PTPRG: variants seen among roughly 807,000 people sequenced by gnomAD.
The protein encoded by PTPRG is receptor-type tyrosine-protein phosphatase gamma.
In PTPRG, 102 loss-of-function variants were observed where a neutral mutation model predicts 165.3. The observed-to-expected ratio is 0.62, with a 90% CI of 0.53 to 0.73. The LOEUF (loss-of-function observed/expected upper bound fraction) is 0.73, where lower values mean the gene tolerates loss of function less well. PTPRG is among the 30% of genes least tolerant of loss of function. The pLI, the probability that PTPRG is intolerant of heterozygous loss-of-function variation, is 0.00. For synonymous variants in PTPRG, 675 were observed against 669.5 expected (o/e 1.01, Z -0.13); for missense variants, 1,866 against 1,861.4 (o/e 1.00, Z -0.05).
At chr3:61,907,144 C>CTT (rs139054196) in intron 2 of PTPRG, among the ~76,000 whole-genome samples, 8 of 147,850 alleles carry the variant, frequency 5.4e-5, no homozygotes, top group African/African-American at 9.9e-5. Flanking sequence ...TCCCCCACCC[C>CTT]TTTTTTTTTT....
chr3:61,778,321 A>G, intron 2 of PTPRG, among the ~76,000 whole-genome samples: 1 of 152,110 alleles, frequency 6.6e-6, no homozygotes, highest in Non-Finnish European at 1.5e-5. Flanking sequence ...CTTGGTGTTC[A>G]CGCCATGTAA....
At chr3:61,856,109 T>C (rs1490930159) in intron 2 of PTPRG, among the ~76,000 whole-genome samples, 1 of 152,126 alleles carries the variant, frequency 6.6e-6, no homozygotes, top group East Asian at 1.9e-4. Context: ...CTCTTGTACT[T>C]ACGTAGAACA....
At chr3:61,878,836 A>G (rs1278584719) in intron 2 of PTPRG, among the ~76,000 whole-genome samples, 2 of 152,164 alleles carry the variant, frequency 1.3e-5, no homozygotes, top group African/African-American at 2.4e-5. Flanking sequence ...GAACCGTCCT[A>G]TATTTTTGGA....
intron 6 of PTPRG, among the ~76,000 whole-genome samples, chr3:62,153,615 T>C (rs1048311926): frequency 1.3e-5 from 2 of 152,146 alleles, no homozygotes; most frequent in South Asian, 2.1e-4. Context: ...GACAGAACAT[T>C]GGTAGCTTAG....
At chr3:62,040,812 G>A (rs879768572) in intron 4 of PTPRG, among the ~76,000 whole-genome samples, 1 of 152,156 alleles carries the variant, frequency 6.6e-6, no homozygotes, top group South Asian at 2.1e-4. Flanking sequence ...CAGGGACATC[G>A]GGGCTAGCTG....
chr3:62,240,128 C>T lies in PTPRG; in HGVS notation c.2376-3679C>T, dbSNP rs1701124411. ...TAAGCAAACATTAATAAAGAGGATGCCAGTCTATATTTGTTATCAAGGAGA... is the reference window on the plus strand; with the variant it reads ...TAAGCAAACATTAATAAAGAGGATGTCAGTCTATATTTGTTATCAAGGAGA... On this transcript the variant is annotated intron_variant, in intron 14 of 29. Transcript: ENST00000474889. This position sits in a 1 kb window ranked among gnomAD's most constrained non-coding sequence, Gnocchi z 5.1. Among the ~76,000 whole-genome samples, 1 of 152,050 alleles carries T rather than the reference C, an allele frequency of 6.6e-6. No individual in the cohort carries two copies. Among genetic ancestry groups the T allele is most frequent in the Non-Finnish European group, 1.5e-5 (1 of 68,018 alleles).
intron 5 of PTPRG, among the ~76,000 whole-genome samples, chr3:62,128,549 T>C (rs1378124325): frequency 2.0e-5 from 3 of 151,840 alleles, no homozygotes; most frequent in Non-Finnish European, 4.4e-5. Flanking sequence ...TTGCCCGGTG[T>C]TATTGTCCTT....
chr3:62,233,782 G>T lies in PTPRG; in HGVS notation c.2375+2471G>T, dbSNP rs1034584427. On this transcript the variant is annotated intron_variant, in intron 14 of 29. Transcript: ENST00000474889. The surrounding 1 kb of genome is among the most constrained non-coding windows in gnomAD (Gnocchi z 4.7). ...GAGAATTGCTAAAAGCAGGACAACAGCTGTGAGAGGTGATTATCCTCCCAG... is the reference window on the plus strand; with the variant it reads ...GAGAATTGCTAAAAGCAGGACAACATCTGTGAGAGGTGATTATCCTCCCAG... Among the ~76,000 whole-genome samples the T allele has an allele frequency of 2.6e-5, 4 of 152,198 alleles. No homozygotes were observed. The highest frequency in any genetic ancestry group is 5.9e-5 in the Non-Finnish European group (4 of 68,038).
intron 1 of PTPRG, among the ~76,000 whole-genome samples, chr3:61,678,051 A>G (rs1703297746): frequency 6.6e-6 from 1 of 152,186 alleles, no homozygotes; most frequent in South Asian, 2.1e-4. Context: ...TGTTGGGCAG[A>G]TGAGGATGTT....
At chr3:61,937,475 G>C (rs74932468) in intron 2 of PTPRG, among the ~76,000 whole-genome samples, 2,520 of 152,260 alleles carry the variant, frequency 0.017, 43 homozygotes, top group South Asian at 0.065. Flanking sequence ...CAGATCCCAA[G>C]TCTTAGAAGC....
chr3:62,099,501 G>A (rs975721659), intron 5 of PTPRG, among the ~76,000 whole-genome samples: 1 of 151,948 alleles, frequency 6.6e-6, no homozygotes, highest in African/African-American at 2.4e-5. Flanking sequence ...AATAAATTAG[G>A]TCCATCCTGA....
intron 7 of PTPRG, 38 bp from the exon 8 acceptor site, chr3:62,167,933 T>TG (rs765385103): frequency 1.4e-5 from 21 of 1,553,804 alleles, no homozygotes; most frequent in Middle Eastern, 2.2e-4. Flanking sequence ...TTTGTGTTGT[T>TG]TTTTTTTTCC....
intron 2 of PTPRG, among the ~76,000 whole-genome samples, chr3:61,834,704 T>G (rs911179475): frequency 2.0e-5 from 3 of 152,158 alleles, no homozygotes; most frequent in Admixed American, 1.3e-4. Context: ...TCCCAACTAC[T>G]CAGGAAGCTG....
chr3:61,988,002 A>C (rs2040803053), intron 2 of PTPRG, among the ~76,000 whole-genome samples: 1 of 152,240 alleles, frequency 6.6e-6, no homozygotes. Flanking sequence ...TACATGAGTG[A>C]AAAGCCTATG....
intron 1 of PTPRG, among the ~76,000 whole-genome samples, chr3:61,729,115 A>G (rs2032386435): frequency 1.3e-5 from 2 of 152,110 alleles, no homozygotes; most frequent in African/African-American, 4.8e-5. Flanking sequence ...CCCTGTAAGT[A>G]GCTAAAGGGG....
At chr3:62,167,949 C>A (rs752197509) in intron 7 of PTPRG, 22 bp from the exon 8 acceptor site, 1 of 1,593,688 alleles carries the variant, frequency 6.3e-7, no homozygotes, top group South Asian at 1.1e-5. Flanking sequence ...TTTCCCCCTC[C>A]CCTCTCTGGT....
chr3:61,834,170 A>T (rs940895700), intron 2 of PTPRG, among the ~76,000 whole-genome samples: 2 of 152,188 alleles, frequency 1.3e-5, no homozygotes, highest in African/African-American at 4.8e-5. Context: ...TTTCTTTGAC[A>T]TGTTGCCTCT....
intron 1 of PTPRG, among the ~76,000 whole-genome samples, chr3:61,738,304 A>ACACATATATATATG (rs2032826005): frequency 2.4e-5 from 2 of 84,472 alleles, no homozygotes; most frequent in African/African-American, 9.1e-5. Flanking sequence ...ATATATATAT[A>ACACATATATATATG]TATATATACA....
chr3:62,166,197 CTTTTTTTTTTTTTTTTTTTTTTTTT>C (rs564761041), intron 7 of PTPRG, among the ~76,000 whole-genome samples: 1 of 53,900 alleles, frequency 1.9e-5, no homozygotes, highest in African/African-American at 7.5e-5. Context: ...AATTACAGTT[CTTTTTTTTTTTTTTTTTTTTTTTTT>C]TTTTTTTTTT....
Sources: gnomAD v4.1 joint callset for allele counts (sites outside exome capture counted in the v4.1 genomes callset) on GRCh38, gnomAD v4.1.1 for gene constraint, Gnocchi (gnomAD v3.1) non-coding constraint, MANE v1.5 for transcripts, NCBI Gene and HGNC (gene_info 2026-07-23, HGNC 2026-07-21) for gene names.